Variants in THTPA observed in about 807,000 individuals in gnomAD.
THTPA encodes thiamine-triphosphatase.
Under a neutral mutation model 16.5 loss-of-function variants are expected in THTPA, and 16 were observed. The ratio of observed to expected loss-of-function variants is 0.97; its 90% CI spans 0.66 to 1.47. THTPA has a LOEUF of 1.47. THTPA is among the 40% of genes most tolerant of loss of function. THTPA has a pLI of 0.00. For missense variants in THTPA, 281 were observed against 280.9 expected, an observed-to-expected ratio of 1.00 and a Z score of 0.00; for synonymous variants, 110 against 115.5, an observed-to-expected ratio of 0.95 and a Z score of 0.30.
the THTPA span, chr14:23,534,532 G>A: frequency 2.6e-6 from 4 of 1,536,038 alleles, no homozygotes; most frequent in Admixed American, 7.8e-5. The surrounding 1 kb of genome is among the most constrained non-coding windows in gnomAD (Gnocchi z 4.5). Flanking sequence ...ATATTGGGCA[G>A]GGGTTAGCTT....
the THTPA span, chr14:23,533,157 G>T: frequency 1.4e-6 from 2 of 1,457,146 alleles, no homozygotes; most frequent in South Asian, 1.4e-5. This position sits in a 1 kb window ranked among gnomAD's most constrained non-coding sequence, Gnocchi z 4.8. Context: ...GGGGAGGTGG[G>T]TTAATGAGTA....
chr14:23,525,704 G>T, the THTPA span: 9 of 1,524,196 alleles, frequency 5.9e-6, no homozygotes, highest in Non-Finnish European at 7.0e-6. This position sits in a 1 kb window ranked among gnomAD's most constrained non-coding sequence, Gnocchi z 5.9. Flanking sequence ...GGCCATGGGG[G>T]GCCGCTCCCA....
At chr14:23,527,050 C>T in the THTPA span, 2 of 1,419,154 alleles carry the variant, frequency 1.4e-6, no homozygotes, top group Admixed American at 3.1e-5. Context: ...ATCTGCCCTA[C>T]ACCTGTACTT....
the THTPA span, among the ~76,000 whole-genome samples, chr14:23,536,954 A>ATGATGAAACCC: frequency 6.6e-6 from 1 of 151,616 alleles, no homozygotes; most frequent in African/African-American, 2.4e-5. Flanking sequence ...CCTGGCCAAC[A>ATGATGAAACCC]TGGTGAAACC....
At chr14:23,546,621 G>A in the THTPA span, among the ~76,000 whole-genome samples, 2 of 152,164 alleles carry the variant, frequency 1.3e-5, no homozygotes, top group Admixed American at 6.5e-5. This position sits in a 1 kb window ranked among gnomAD's most constrained non-coding sequence, Gnocchi z 4.7. Flanking sequence ...GCCTGGGGAG[G>A]AGGGATGGGC....
At chr14:23,516,698 G>A in the THTPA span, among the ~76,000 whole-genome samples, 7 of 152,162 alleles carry the variant, frequency 4.6e-5, no homozygotes, top group South Asian at 4.1e-4. Context: ...CCTGGGTCCC[G>A]GGTAATGGAA....
the THTPA span, chr14:23,521,772 G>A: frequency 6.1e-6 from 6 of 991,320 alleles, no homozygotes; most frequent in South Asian, 1.7e-5. Flanking sequence ...GTGTCTGTGG[G>A]GATTGGGAGG....
At chr14:23,530,395 T>A in the THTPA span, 2 of 692,640 alleles carry the variant, frequency 2.9e-6, no homozygotes, top group Non-Finnish European at 5.2e-6. Context: ...TTAGAACTGG[T>A]AGGGCCTAAG....
chr14:23,528,886 C>A, the THTPA span: 10 of 961,304 alleles, frequency 1.0e-5, no homozygotes, highest in African/African-American at 1.8e-5. Context: ...GTGGCACAGG[C>A]CTGTGTGTCA....
At chr14:23,516,914 G>A in the THTPA span, among the ~76,000 whole-genome samples, 2 of 152,182 alleles carry the variant, frequency 1.3e-5, no homozygotes, top group African/African-American at 4.8e-5. Context: ...GCTGATTACT[G>A]GTTGTGGTGT....
chr14:23,525,498 A>G, the THTPA span: 1 of 1,535,784 alleles, frequency 6.5e-7, no homozygotes, highest in Admixed American at 2.0e-5. This position sits in a 1 kb window ranked among gnomAD's most constrained non-coding sequence, Gnocchi z 5.9. Context: ...CAGGCCCCAC[A>G]GGCCAGCTTG....
chr14:23,539,714 AC>A, the THTPA span, among the ~76,000 whole-genome samples: 1 of 152,098 alleles, frequency 6.6e-6, no homozygotes, highest in East Asian at 1.9e-4. Context: ...CCCCAGCAAG[AC>A]CAGGGCTCCC....
the THTPA span, chr14:23,514,155 T>C: frequency 6.6e-6 from 1 of 152,378 alleles, no homozygotes; most frequent in African/African-American, 2.4e-5. Flanking sequence ...TTGAGAGGGC[T>C]ATTGTGCCAG....
the THTPA span, among the ~76,000 whole-genome samples, chr14:23,516,335 A>C: frequency 6.6e-6 from 1 of 152,118 alleles, no homozygotes; most frequent in African/African-American, 2.4e-5. Flanking sequence ...AGACTTACTC[A>C]TGTCTTTATG....
the THTPA span, among the ~76,000 whole-genome samples, chr14:23,544,552 T>C: frequency 6.6e-6 from 1 of 152,306 alleles, no homozygotes; most frequent in South Asian, 2.1e-4. Flanking sequence ...AGGCCCTCCA[T>C]GTACACGTGT....
chr14:23,521,805 G>T, the THTPA span: 1 of 1,293,048 alleles, frequency 7.7e-7, no homozygotes, highest in Non-Finnish European at 1.0e-6. Flanking sequence ...GCTGGAAGTG[G>T]GGTGTGTGGT....
chr14:23,528,648 C>G, the THTPA span: 2 of 985,428 alleles, frequency 2.0e-6, no homozygotes, highest in Non-Finnish European at 2.4e-6. Context: ...CAGAAGCCAG[C>G]TCATCCTCCC....
At chr14:23,534,542 T>C in the THTPA span, 12 of 1,536,012 alleles carry the variant, frequency 7.8e-6, 1 homozygote, top group East Asian at 7.3e-5. This position sits in a 1 kb window ranked among gnomAD's most constrained non-coding sequence, Gnocchi z 4.5. Context: ...GGGGTTAGCT[T>C]CACCCCATGA....
chr14:23,552,218 C>A (rs554875620), upstream of THTPA, among the ~76,000 whole-genome samples: 2 of 152,064 alleles, frequency 1.3e-5, no homozygotes, highest in Non-Finnish European at 2.9e-5. Flanking sequence ...TTACATAGTC[C>A]CCTGAGCTGG....
Sources: gnomAD v4.1 joint callset for allele counts (sites outside exome capture counted in the v4.1 genomes callset) on GRCh38, gnomAD v4.1.1 for gene constraint, Gnocchi (gnomAD v3.1) non-coding constraint, MANE v1.5 for transcripts, NCBI Gene and HGNC (gene_info 2026-07-23, HGNC 2026-07-21) for gene names.